The following DIS3L2 variants were observed in gnomAD, a reference collection of about 807,000 sequenced individuals.
DIS3L2 encodes the protein DIS3-like exonuclease 2.
A neutral mutation model predicts 97.5 loss-of-function variants in DIS3L2; 34 were observed. The observed-to-expected ratio is 0.35, with a 90% CI of 0.27 to 0.46. DIS3L2 has a LOEUF of 0.46. Ranked by LOEUF, DIS3L2 falls within the 20% of genes least tolerant of loss-of-function variation. The pLI, the probability that DIS3L2 is intolerant of heterozygous loss-of-function variation, is 1.00. For missense variants in DIS3L2, 1,038 were observed against 1,146.0 expected, an observed-to-expected ratio of 0.91 and a Z score of 1.36; for synonymous variants, 435 against 445.2, an observed-to-expected ratio of 0.98 and a Z score of 0.29.
chr2:232,010,897 C>T (rs1422812342), intron 1 of DIS3L2, among the ~76,000 whole-genome samples: 1 of 152,184 alleles, frequency 6.6e-6, no homozygotes, highest in Non-Finnish European at 1.5e-5. Context: ...GACTTCTGTC[C>T]CAAATAGGCT....
rs546697527 is a variant in DIS3L2 at position 232,228,431 on chromosome 2, C to T, written c.1205-10102C>T. Among the ~76,000 whole-genome samples, 88 of 152,280 alleles carry T rather than the reference C, an allele frequency of 5.8e-4. 2 individuals carry two copies. The highest frequency in any genetic ancestry group is 2.0e-3 in the African/African-American group (84 of 41,556). ...AGGTCCCCATGCTGGCCGTATGTGC[C>T]GAAGCCCATAAAAGAGATGACGACA... On this transcript the variant is annotated intron_variant, in intron 10 of 20. Transcript: ENST00000325385.
At chr2:232,001,596 G>A (rs1416882108) in intron 1 of DIS3L2, among the ~76,000 whole-genome samples, 1 of 54,342 alleles carries the variant, frequency 1.8e-5, no homozygotes, top group Non-Finnish European at 3.8e-5. Flanking sequence ...TGTTGCCTGT[G>A]CTTTTGTATT....
chr2:231,965,558 G>A (rs928895918), intron 1 of DIS3L2, among the ~76,000 whole-genome samples: 5 of 151,650 alleles, frequency 3.3e-5, no homozygotes, highest in African/African-American at 1.2e-4. Flanking sequence ...CTTAAAAGAT[G>A]TTTTGTTGCT....
At chr2:232,044,206 A>G (rs1040493158) in intron 5 of DIS3L2, among the ~76,000 whole-genome samples, 4 of 152,084 alleles carry the variant, frequency 2.6e-5, no homozygotes, top group African/African-American at 9.7e-5. Flanking sequence ...GATTTTGAGG[A>G]AGGTGACATA....
At chr2:232,289,606 C>CA (rs1486809545) in intron 13 of DIS3L2, among the ~76,000 whole-genome samples, 4 of 152,270 alleles carry the variant, frequency 2.6e-5, no homozygotes, top group Admixed American at 6.5e-5. Flanking sequence ...TTTCTTAAGA[C>CA]AAAATCTGGT....
chr2:232,080,025 A>C (rs917067794), intron 5 of DIS3L2, among the ~76,000 whole-genome samples: 2 of 152,234 alleles, frequency 1.3e-5, no homozygotes, highest in Non-Finnish European at 2.9e-5. Context: ...CTCTAACTTT[A>C]TTGGTCCAAA....
intron 9 of DIS3L2, among the ~76,000 whole-genome samples, chr2:232,167,843 A>T (rs1055217193): frequency 1.3e-5 from 2 of 152,194 alleles, no homozygotes; most frequent in Admixed American, 6.5e-5. Context: ...TGAGGTCAGG[A>T]GTTCGAGACC....
At chr2:232,073,914 T>TTGG (rs1217659702) in intron 5 of DIS3L2, among the ~76,000 whole-genome samples, 1 of 152,218 alleles carries the variant, frequency 6.6e-6, no homozygotes, top group Admixed American at 6.5e-5. Flanking sequence ...ATTTCCAGCT[T>TTGG]TCTGAGTGAC....
intron 1 of DIS3L2, among the ~76,000 whole-genome samples, chr2:231,986,443 C>G (rs771589616): frequency 2.6e-5 from 4 of 152,168 alleles, no homozygotes; most frequent in Non-Finnish European, 5.9e-5. Flanking sequence ...GTCAATTCGC[C>G]TAGCAACGTC....
intron 10 of DIS3L2, among the ~76,000 whole-genome samples, chr2:232,221,723 C>A (rs1353190744): frequency 6.6e-6 from 1 of 151,996 alleles, no homozygotes; most frequent in Non-Finnish European, 1.5e-5. Flanking sequence ...ATCAGTTGAA[C>A]CTGGGAGGTG....
intron 9 of DIS3L2, among the ~76,000 whole-genome samples, 157 bp downstream of exon 9, chr2:232,163,789 A>C (rs530113509): frequency 6.6e-6 from 1 of 152,256 alleles, no homozygotes; most frequent in African/African-American, 2.4e-5. Context: ...TATGGCCCAC[A>C]GGCTAAATCT....
intron 12 of DIS3L2, among the ~76,000 whole-genome samples, chr2:232,259,509 G>A (rs931751516): frequency 1.3e-5 from 2 of 152,124 alleles, no homozygotes; most frequent in Non-Finnish European, 2.9e-5. Flanking sequence ...GCCAGGAGAC[G>A]TGGGCCTGCA....
rs945593011 is a variant in DIS3L2 at position 232,276,627 on chromosome 2, C to A, written c.1659+13187C>A. Among the ~76,000 whole-genome samples, 9 of 152,220 alleles carry A rather than the reference C, an allele frequency of 5.9e-5. No individual in the cohort carries two copies. Among genetic ancestry groups the A allele is most frequent in the Non-Finnish European group, 4.4e-5 (3 of 68,040 alleles). ...CCAACTCTCAGCTCTCCTGTTGCTA[C>A]CAGCTTCCAGTCAATGACTGTTTAT... On this transcript the variant is annotated intron_variant, in intron 13 of 20. Coordinates refer to ENST00000325385, the MANE Select transcript of DIS3L2 (RefSeq NM_152383.5). The surrounding 1 kb of genome is among the most constrained non-coding windows in gnomAD (Gnocchi z 4.4).
At position 232,276,383 on chromosome 2, in the gene DIS3L2, G is replaced by A. The variant is rs1574988088; in HGVS notation, c.1659+12943G>A. On this transcript the variant is annotated intron_variant, in intron 13 of 20. Coordinates refer to ENST00000325385, the MANE Select transcript of DIS3L2 (RefSeq NM_152383.5). This position sits in a 1 kb window ranked among gnomAD's most constrained non-coding sequence, Gnocchi z 4.4. ...GCTCTCAGGCTTACCCACCTCCCTGGTGGCTATGCCAGAGCACAGCTGAGC... is the reference window on the plus strand; with the variant it reads ...GCTCTCAGGCTTACCCACCTCCCTGATGGCTATGCCAGAGCACAGCTGAGC... Among the ~76,000 whole-genome samples the A allele has an allele frequency of 1.3e-5, 2 of 152,304 alleles. No homozygotes were observed. Among genetic ancestry groups the A allele is most frequent in the South Asian group, 4.1e-4 (2 of 4,826 alleles).
intron 8 of DIS3L2, among the ~76,000 whole-genome samples, chr2:232,144,742 G>A (rs891447288): frequency 1.3e-5 from 2 of 152,136 alleles, no homozygotes; most frequent in African/African-American, 4.8e-5. Context: ...CTGTGTCTCT[G>A]TAGTCTCTCC....
rs75664029 is a variant in DIS3L2, at chr2:232,214,792, G to C, written c.1204+4387G>C. 8.5e-5 allele frequency among the ~76,000 whole-genome samples: 13 copies of C among 152,348 alleles called. No individual in the cohort carries two copies. The East Asian group carries it at 2.5e-3, about 29-fold the overall frequency. On this transcript the variant is annotated intron_variant, in intron 10 of 20. Transcript: ENST00000325385. ...CTTAGTCTCTGAGGGAAAATTGTCA[G>C]CCTGACAAGCTAGGACCTTTATTCG...
intron 6 of DIS3L2, among the ~76,000 whole-genome samples, chr2:232,120,767 C>G (rs971388838): frequency 6.6e-6 from 1 of 152,160 alleles, no homozygotes; most frequent in African/African-American, 2.4e-5. Flanking sequence ...CTTACAGCCA[C>G]TAGATTTACA....
At chr2:232,304,939 C>G (rs1338136921) in intron 14 of DIS3L2, among the ~76,000 whole-genome samples, 1 of 152,148 alleles carries the variant, frequency 6.6e-6, no homozygotes, top group Non-Finnish European at 1.5e-5. Flanking sequence ...TCTTTCCTCT[C>G]TTTTTTCTAT....
At chr2:232,059,472 A>G (rs1029410349) in intron 5 of DIS3L2, among the ~76,000 whole-genome samples, 1 of 152,168 alleles carries the variant, frequency 6.6e-6, no homozygotes, top group African/African-American at 2.4e-5. Flanking sequence ...CTTTTTACAA[A>G]TTTTTTAAAA....
Sources: allele counts gnomAD v4.1 joint callset (sites outside exome capture counted in the v4.1 genomes callset), GRCh38; gene constraint gnomAD v4.1.1; non-coding constraint Gnocchi (gnomAD v3.1); transcripts MANE v1.5; gene names NCBI Gene and HGNC (gene_info 2026-07-23, HGNC 2026-07-21).